The following HEMK2 variants were observed in gnomAD, a reference collection of about 807,000 sequenced individuals.
The protein encoded by HEMK2 is HemK methyltransferase 2, ETF1 glutamine and histone H4 lysine, also known as methyltransferase HEMK2.
chr21:28,857,451 T>TA, the HEMK2 span, among the ~76,000 whole-genome samples: 3 of 151,742 alleles, frequency 2.0e-5, 1 homozygote, highest in South Asian at 6.3e-4. Context: ...CTTTTCTGTA[T>TA]AACTTTTTTT....
the HEMK2 span, among the ~76,000 whole-genome samples, chr21:28,590,469 G>C: frequency 6.6e-6 from 1 of 152,186 alleles, no homozygotes; most frequent in South Asian, 2.1e-4. Flanking sequence ...TGTGTTGAAA[G>C]AGTGATCCAT....
chr21:28,711,402 C>A, the HEMK2 span, among the ~76,000 whole-genome samples: 1 of 152,076 alleles, frequency 6.6e-6, no homozygotes, highest in African/African-American at 2.4e-5. Flanking sequence ...CCAGGCCAAA[C>A]CAGGCAAGAA....
chr21:28,741,704 C>T, the HEMK2 span, among the ~76,000 whole-genome samples: 2 of 152,160 alleles, frequency 1.3e-5, no homozygotes, highest in Non-Finnish European at 2.9e-5. Flanking sequence ...CCTCTAGCTT[C>T]GTCCATGTCC....
the HEMK2 span, among the ~76,000 whole-genome samples, chr21:28,582,527 A>G: frequency 1.3e-5 from 2 of 152,172 alleles, no homozygotes; most frequent in Admixed American, 6.5e-5. Context: ...GTCACCCTCT[A>G]AAGTTCTGCA....
At chr21:28,879,549 CTTTTG>C in the HEMK2 span, among the ~76,000 whole-genome samples, 3 of 152,144 alleles carry the variant, frequency 2.0e-5, no homozygotes, top group Admixed American at 2.0e-4. Flanking sequence ...CAGTTAAAAC[CTTTTG>C]TTTTGCAAAT....
At chr21:28,729,530 C>T in the HEMK2 span, among the ~76,000 whole-genome samples, 17 of 151,572 alleles carry the variant, frequency 1.1e-4, no homozygotes, top group African/African-American at 3.2e-4. Context: ...GAAATGTCTA[C>T]GGCAGGGGTG....
the HEMK2 span, among the ~76,000 whole-genome samples, chr21:28,695,486 G>A: frequency 6.6e-6 from 1 of 152,146 alleles, no homozygotes. Context: ...ATGGTGGAAG[G>A]TGAATGAGGA....
At chr21:28,783,423 G>C in the HEMK2 span, among the ~76,000 whole-genome samples, 1 of 152,176 alleles carries the variant, frequency 6.6e-6, no homozygotes, top group Admixed American at 6.5e-5. Context: ...GACCTCAGGT[G>C]ATCTGCCCAC....
chr21:28,736,347 C>A, the HEMK2 span, among the ~76,000 whole-genome samples: 191 of 152,362 alleles, frequency 1.3e-3, no homozygotes, highest in African/African-American at 4.3e-3. Flanking sequence ...ATCTTTGCCT[C>A]CTGCTCCTTC....
the HEMK2 span, chr21:28,872,227 C>T: frequency 0.062 from 9,377 of 152,262 alleles, 342 homozygotes; most frequent in Middle Eastern, 0.088. Flanking sequence ...AAAAGGAAAG[C>T]TCTCCACAAA....
chr21:28,840,388 T>A, the HEMK2 span, among the ~76,000 whole-genome samples: 1 of 152,122 alleles, frequency 6.6e-6, no homozygotes, highest in Non-Finnish European at 1.5e-5. Flanking sequence ...ACTAAAGAGC[T>A]TTTGCATTGC....
chr21:28,753,396 T>C, the HEMK2 span, among the ~76,000 whole-genome samples: 343 of 151,788 alleles, frequency 2.3e-3, no homozygotes, highest in African/African-American at 6.5e-3. Flanking sequence ...CGCACATGTT[T>C]ACATTTTTCC....
chr21:28,712,435 C>T, the HEMK2 span, among the ~76,000 whole-genome samples: 926 of 152,248 alleles, frequency 6.1e-3, 9 homozygotes, highest in Middle Eastern at 0.017. Flanking sequence ...AACTTTAATT[C>T]AAGTGTGCCT....
the HEMK2 span, among the ~76,000 whole-genome samples, chr21:28,630,739 T>C: frequency 3.3e-5 from 4 of 122,872 alleles, no homozygotes; most frequent in Admixed American, 2.2e-4. Context: ...TGAGAACACA[T>C]GGACACAGGA....
the HEMK2 span, among the ~76,000 whole-genome samples, chr21:28,721,330 G>T: frequency 6.6e-6 from 1 of 152,026 alleles, no homozygotes; most frequent in Admixed American, 6.6e-5. Flanking sequence ...TCCCAGGCTG[G>T]TCTCGAACTC....
chr21:28,697,847 G>T, the HEMK2 span, among the ~76,000 whole-genome samples: 366 of 148,950 alleles, frequency 2.5e-3, 1 homozygote, highest in African/African-American at 8.3e-3. Context: ...TTAGCTTACA[G>T]TAATACAAAC....
At chr21:28,809,973 T>C in the HEMK2 span, among the ~76,000 whole-genome samples, 1 of 152,154 alleles carries the variant, frequency 6.6e-6, no homozygotes, top group Non-Finnish European at 1.5e-5. Context: ...TACTCTGCTA[T>C]ATAATGTCAT....
chr21:28,606,705 C>T, the HEMK2 span, among the ~76,000 whole-genome samples: 3 of 152,072 alleles, frequency 2.0e-5, no homozygotes, highest in Non-Finnish European at 4.4e-5. Context: ...CTCAATGTGC[C>T]AAGCAATATG....
chr21:28,705,640 T>A, the HEMK2 span, among the ~76,000 whole-genome samples: 1 of 152,246 alleles, frequency 6.6e-6, no homozygotes, highest in East Asian at 1.9e-4. Flanking sequence ...TACCATAAAC[T>A]TAGAGGTTTA....
Sources: allele counts gnomAD v4.1 joint callset (sites outside exome capture counted in the v4.1 genomes callset), GRCh38; gene constraint gnomAD v4.1.1; transcripts MANE v1.5; gene names NCBI Gene and HGNC (gene_info 2026-07-23, HGNC 2026-07-21).